DPY19L4: variants seen among roughly 807,000 people sequenced by gnomAD.
DPY19L4 encodes the protein dpy-19 like 4, also known as probable C-mannosyltransferase DPY19L4.
Under a neutral mutation model 102.8 loss-of-function variants are expected in DPY19L4, and 97 were observed. The ratio of observed to expected loss-of-function variants is 0.94; its 90% CI spans 0.80 to 1.12. The LOEUF (loss-of-function observed/expected upper bound fraction) is 1.12, where lower values mean the gene tolerates loss of function less well. Among genes scored for constraint, DPY19L4 ranks in the 50% most tolerant of loss-of-function variants. DPY19L4 has a pLI of 0.00. For synonymous variants in DPY19L4, 252 were observed against 283.1 expected (o/e 0.89, Z 1.10); for missense variants, 815 against 850.4 (o/e 0.96, Z 0.52).
intron 2 of DPY19L4, among the ~76,000 whole-genome samples, chr8:94,728,542 A>G (rs928230490): frequency 1.3e-5 from 2 of 152,194 alleles, no homozygotes; most frequent in South Asian, 2.1e-4. Context: ...AGGCCTATAT[A>G]TAAATTTGCT....
At position 94,789,897 on chromosome 8, in the gene DPY19L4, C is replaced by A. The variant is rs140198354; in HGVS notation, c.2159C>A (p.Ser720Tyr). The change falls in exon 19 of 19, where the codon TCC (serine) becomes TAC (tyrosine). Residue 720 changes from serine (S) to tyrosine (Y), a missense_variant. By Grantham distance (144) the Ser-to-Tyr change is moderately radical (BLOSUM62 -2). Coordinates refer to ENST00000414645, the MANE Select transcript of DPY19L4 (RefSeq NM_181787.3). ...YFVYKINTVI[S>Y]FQS Reference sequence around the variant, plus strand: ...GTATATAAAATCAACACTGTGATATCCTTCCAGTCTTGAAAAATAACAGAG... The same window carrying A: ...GTATATAAAATCAACACTGTGATATACTTCCAGTCTTGAAAAATAACAGAG... The A allele has an allele frequency of 6.3e-6, 10 of 1,593,714 alleles. No homozygotes were observed. The highest frequency in any genetic ancestry group is 6.0e-6 in the Non-Finnish European group (7 of 1,174,316).
intron 8 of DPY19L4, among the ~76,000 whole-genome samples, chr8:94,764,689 G>GTGTGTGTGTGTGTGTGTA (rs1415377058): frequency 3.7e-4 from 16 of 43,212 alleles, no homozygotes; most frequent in Middle Eastern, 0.028. Context: ...GTCTGTGTGT[G>GTGTGTGTGTGTGTGTGTA]TATATATATA....
chr8:94,768,107 G>T (rs1239210947), intron 11 of DPY19L4, among the ~76,000 whole-genome samples: 1 of 152,214 alleles, frequency 6.6e-6, no homozygotes, highest in South Asian at 2.1e-4. Context: ...GATAAAGATA[G>T]AAACCAAAAT....
At chr8:94,744,462 A>T (rs1232524174) in intron 6 of DPY19L4, 3 of 456,674 alleles carry the variant, frequency 6.6e-6, no homozygotes, top group South Asian at 1.5e-5. Flanking sequence ...ATGATATAAC[A>T]TCACTCTGCC....
chr8:94,759,380 A>G (rs932500349), intron 7 of DPY19L4, among the ~76,000 whole-genome samples: 6 of 151,618 alleles, frequency 4.0e-5, no homozygotes, highest in Non-Finnish European at 7.4e-5. Context: ...GCATTTTACA[A>G]TCCTCTTGTA....
chr8:94,770,210 A>C (rs1812865722), intron 12 of DPY19L4, among the ~76,000 whole-genome samples: 1 of 152,088 alleles, frequency 6.6e-6, no homozygotes, highest in Non-Finnish European at 1.5e-5. Context: ...CTGAAAATTC[A>C]TGTTTAGTCT....
chr8:94,772,575 A>T (rs1812982182), intron 13 of DPY19L4, among the ~76,000 whole-genome samples: 1 of 152,352 alleles, frequency 6.6e-6, no homozygotes, highest in Admixed American at 6.5e-5. Context: ...GTGTGACAGT[A>T]CACACGGAGT....
At chr8:94,729,707 T>C (rs1411895681) in intron 2 of DPY19L4, among the ~76,000 whole-genome samples, 1 of 150,564 alleles carries the variant, frequency 6.6e-6, no homozygotes, top group Non-Finnish European at 1.5e-5. Flanking sequence ...GGTTCATGCC[T>C]GTAGTCCCAG....
At chr8:94,776,963 C>CA (rs60781801) in intron 13 of DPY19L4, among the ~76,000 whole-genome samples, 31,584 of 94,146 alleles carry the variant, frequency 0.34, 4,067 homozygotes, top group Admixed American at 0.46. Context: ...GACTCCGCTT[C>CA]AAAAAAAAAA....
chr8:94,771,773 C>T (rs1812947878), intron 13 of DPY19L4, among the ~76,000 whole-genome samples: 1 of 152,178 alleles, frequency 6.6e-6, no homozygotes, highest in African/African-American at 2.4e-5. Context: ...GGCTGAAACA[C>T]AGGGAGCATG....
intron 14 of DPY19L4, among the ~76,000 whole-genome samples, chr8:94,778,136 G>A (rs1353627857): frequency 6.6e-6 from 1 of 152,014 alleles, no homozygotes. Context: ...TCAAGAGGCT[G>A]AGAATTGAGA....
chr8:94,748,852 A>G (rs1420693984), intron 6 of DPY19L4, among the ~76,000 whole-genome samples: 2 of 152,102 alleles, frequency 1.3e-5, no homozygotes, highest in African/African-American at 4.8e-5. Flanking sequence ...GAGGTGGAAC[A>G]ATTTCATCCC....
At chr8:94,720,986 G>A (rs1384212964) in intron 1 of DPY19L4, among the ~76,000 whole-genome samples, 1 of 149,922 alleles carries the variant, frequency 6.7e-6, no homozygotes, top group Non-Finnish European at 1.5e-5. Context: ...CGTTCTTGTT[G>A]CCCAGTCTAG....
chr8:94,788,710 G>GACTT (rs1227671995), intron 18 of DPY19L4, among the ~76,000 whole-genome samples: 5 of 152,158 alleles, frequency 3.3e-5, no homozygotes, highest in Admixed American at 3.3e-4. Flanking sequence ...GTATATCTGA[G>GACTT]ACTTAATGCT....
At chr8:94,767,224 G>A (rs1812713012) in intron 11 of DPY19L4, among the ~76,000 whole-genome samples, 1 of 151,976 alleles carries the variant, frequency 6.6e-6, no homozygotes, top group Admixed American at 6.6e-5. Context: ...CCCACGGCTA[G>A]GGATTGAGGA....
chr8:94,761,835 G>A lies in DPY19L4; in HGVS notation c.870+1G>A, dbSNP rs866338393. ...CTTTTCAGTGGAGCAAAGTGACAAG[G>A]TATTATGGCATTTTGAAATGGTGAT... On this transcript the variant is annotated splice_donor_variant, in intron 8 of 18. Transcript: ENST00000414645. LOFTEE classifies it high-confidence loss of function. 1.3e-6 allele frequency: 2 copies of A among 1,591,418 alleles called. No homozygotes were observed. The highest frequency in any genetic ancestry group is 1.7e-6 in the Non-Finnish European group (2 of 1,173,156).
In DPY19L4 at chr8:94,739,452, T is replaced by C. The variant is rs755623831; in HGVS notation, c.383T>C (p.Leu128Pro). The C allele has an allele frequency of 6.2e-7, 1 of 1,600,924 alleles. No individual in the cohort carries two copies. Among genetic ancestry groups the C allele is most frequent in the South Asian group, 1.1e-5 (1 of 87,620 alleles). The change falls in exon 5 of 19, where the codon CTG (leucine) becomes CCG (proline). Residue 128 changes from leucine (L) to proline (P), a missense_variant. Coordinates refer to ENST00000414645, the MANE Select transcript of DPY19L4 (RefSeq NM_181787.3). Reference protein sequence around the residue: ...ELTHNNKTVSLKTINAVQQMS... With the variant: ...ELTHNNKTVSPKTINAVQQMS... ...ACACACAATAACAAAACTGTATCTC[T>C]GAAGACTATAAATGCAGTGCAGCAA...
At chr8:94,751,407 C>A (rs1384151325) in intron 6 of DPY19L4, among the ~76,000 whole-genome samples, 1 of 152,126 alleles carries the variant, frequency 6.6e-6, no homozygotes, top group African/African-American at 2.4e-5. Flanking sequence ...CGTGAGCCAC[C>A]ACGCCCGGGA....
intron 13 of DPY19L4, among the ~76,000 whole-genome samples, chr8:94,775,867 C>CATTTTTTCTAAATTTTTTCTAAATTTT (rs1211181338): frequency 9.1e-4 from 138 of 151,962 alleles, no homozygotes; most frequent in Admixed American, 8.2e-3. Flanking sequence ...TAAACTTTTC[C>CATTTTTTCTAAATTTTTTCTAAATTTT]TCTTCCATTT....
Sources: allele counts gnomAD v4.1 joint callset (sites outside exome capture counted in the v4.1 genomes callset), GRCh38; gene constraint gnomAD v4.1.1; transcripts MANE v1.5; gene names NCBI Gene and HGNC (gene_info 2026-07-23, HGNC 2026-07-21).